Variants in CCDC88B observed in about 807,000 individuals in gnomAD.
The protein encoded by CCDC88B is coiled-coil domain-containing protein 88B.
CCDC88B carries 138 observed loss-of-function variants against 183.7 expected under a neutral mutation model. The ratio of observed to expected loss-of-function variants is 0.75; its 90% CI spans 0.65 to 0.87. The LOEUF is 0.87. Among genes scored for constraint, CCDC88B ranks in the 40% least tolerant of loss-of-function variants. CCDC88B has a pLI of 0.00. For missense variants in CCDC88B, 1,822 were observed against 1,965.6 expected (o/e 0.93, Z 1.38); for synonymous variants, 835 against 867.5 (o/e 0.96, Z 0.66).
chr11:64,352,564 C>T (rs989890415), intron 19 of CCDC88B, among the ~76,000 whole-genome samples, 178 bp downstream of exon 19: 1 of 152,240 alleles, frequency 6.6e-6, no homozygotes, highest in Non-Finnish European at 1.5e-5. Flanking sequence ...TTGGGCTCCC[C>T]GTGGGGCTCA....
Position 64,344,882 on chromosome 11 carries a change from C to A in CCDC88B, c.2341C>A (p.Arg781=). ...QARRAEAEAH[R]EAEAQAWEQA... ...GCGAAGGGCAGAGGCCGAGGCCCAC[C>A]GGGAGGCAGAGGCCCAGGCCTGGGA... The change falls in exon 14 of 27, where the codon CGG becomes AGG. Residue 781 remains arginine, a synonymous_variant. Coordinates refer to ENST00000356786, the MANE Select transcript of CCDC88B (RefSeq NM_032251.6). This position sits in a 1 kb window ranked among gnomAD's most constrained non-coding sequence, Gnocchi z 4.5. The A allele has an allele frequency of 6.3e-7, 1 of 1,598,714 alleles. No individual in the cohort carries two copies. Among genetic ancestry groups the A allele is most frequent in the Non-Finnish European group, 8.5e-7 (1 of 1,172,650 alleles).
chr11:64,349,776 TAG>T, intron 16 of CCDC88B, 108 bp downstream of exon 16: 1 of 1,094,502 alleles, frequency 9.1e-7, no homozygotes, highest in East Asian at 2.6e-5. Flanking sequence ...GATTCTTGGC[TAG>T]CTACTTGCCT....
In CCDC88B at chr11:64,349,617, G is replaced by A. The variant is rs746048441; in HGVS notation, c.2811G>A (p.Ala937=). The A allele has an allele frequency of 7.5e-6, 12 of 1,600,630 alleles. No individual in the cohort carries two copies. Among genetic ancestry groups the A allele is most frequent in the African/African-American group, 1.3e-5 (1 of 74,824 alleles). The change falls in exon 16 of 27, where the codon GCG becomes GCA. Residue 937 remains alanine (A), a synonymous_variant. Coordinates refer to ENST00000356786, the MANE Select transcript of CCDC88B (RefSeq NM_032251.6). ...LQAAATSKEE[A]LMELKTRALQ... ...CGGCGGCGACCAGCAAGGAGGAGGC[G>A]CTGATGGAGCTCAAGACCAGGGCCC...
rs552191501 is a variant in CCDC88B at position 64,342,369 on chromosome 11, C to T, written c.897C>T (p.Arg299=). The T allele has an allele frequency of 1.3e-6, 2 of 1,581,378 alleles. No individual in the cohort carries two copies. The highest frequency in any genetic ancestry group is 1.3e-5 in the African/African-American group (1 of 74,492). Residue 299 remains arginine, a synonymous_variant, in exon 9 of 27, where the codon CGC becomes CGT. Coordinates refer to ENST00000356786, the MANE Select transcript of CCDC88B (RefSeq NM_032251.6). The part of the protein sequence containing the change: ...QGLEAEIRRL[R]QEAQALSGQA... Reference sequence around the variant, plus strand: ...TGGAGGCCGAAATAAGAAGGCTCCGCCAGGAGGTGCGCTCACATGCTCCCC... The same window carrying T: ...TGGAGGCCGAAATAAGAAGGCTCCGTCAGGAGGTGCGCTCACATGCTCCCC...
chr11:64,341,962 G>A (rs375252275), intron 7 of CCDC88B, 32 bp from the exon 8 acceptor site: 203 of 1,611,888 alleles, frequency 1.3e-4, no homozygotes, highest in Non-Finnish European at 1.7e-4. Flanking sequence ...CATTGGATAA[G>A]TTAGTCCTGA....
At chr11:64,342,939 G>A (rs2035941918) in intron 10 of CCDC88B, 4 of 494,280 alleles carry the variant, frequency 8.1e-6, no homozygotes, top group Non-Finnish European at 1.1e-5. Flanking sequence ...GAGGGGCGGG[G>A]CATGGACAGA....
At chr11:64,355,166 ACCCCCT>A in intron 24 of CCDC88B, 22 bp from the exon 25 acceptor site, 1 of 1,304,566 alleles carries the variant, frequency 7.7e-7, no homozygotes, top group Non-Finnish European at 9.7e-7. Context: ...CCCTCCTCTC[ACCCCCT>A]CCCTGCATGT....
chr11:64,353,002 C>A, intron 20 of CCDC88B, 52 bp from the exon 21 acceptor site: 1 of 1,525,326 alleles, frequency 6.6e-7, no homozygotes, highest in East Asian at 2.4e-5. Flanking sequence ...CTGGCCAGCA[C>A]TCGGACTGGG....
rs752706848 is a variant in CCDC88B, at chr11:64,353,104, G to C, written c.3551G>C (p.Gly1184Ala). Reference protein sequence around the residue: ...ELSRERGELQGERGELRGRLA... With the variant: ...ELSRERGELQAERGELRGRLA... Reference sequence around the variant, plus strand: ...TCTCGGGAGCGGGGTGAGCTGCAGGGTGAACGCGGGGAGCTACGGGGCCGG... The same window carrying C: ...TCTCGGGAGCGGGGTGAGCTGCAGGCTGAACGCGGGGAGCTACGGGGCCGG... Residue 1184 changes from glycine to alanine, a missense_variant, in exon 21 of 27, where the codon GGT (glycine) becomes GCT (alanine). Physicochemically the swap from Gly to Ala is moderately conservative, Grantham distance 60 (BLOSUM62 0). Transcript: ENST00000356786. 6.2e-7 allele frequency: 1 copy of C among 1,607,222 alleles called. No individual in the cohort carries two copies. The highest frequency in any genetic ancestry group is 8.5e-7 in the Non-Finnish European group (1 of 1,177,754).
intron 18 of CCDC88B, 128 bp from the exon 19 acceptor site, chr11:64,352,002 C>T: frequency 3.0e-6 from 4 of 1,322,312 alleles, no homozygotes; most frequent in Non-Finnish European, 4.1e-6. Context: ...GTGCCCCCAG[C>T]CCTTTGCCTC....
At position 64,353,057 on chromosome 11, in the gene CCDC88B, T is replaced by C; in HGVS notation, c.3504T>C (p.Ala1168=). 1 of 1,598,474 alleles carries C rather than the reference T, an allele frequency of 6.3e-7. No homozygotes were observed. The highest frequency in any genetic ancestry group is 8.5e-7 in the Non-Finnish European group (1 of 1,173,114). The change falls in exon 21 of 27, where the codon GCT becomes GCC. Residue 1168 remains alanine, a synonymous_variant. Transcript: ENST00000356786. Reference sequence around the variant, plus strand: ...GCAGCTCTCCTTGCCTCCCAAGGGCTCAGATGCTGCTGGCAGAGTTGTCTC... The same window carrying C: ...GCAGCTCTCCTTGCCTCCCAAGGGCCCAGATGCTGCTGGCAGAGTTGTCTC... ...LRRLQSEHDR[A]QMLLAELSRE... is the part of the protein sequence containing the mutation.
At chr11:64,351,121 C>T (rs183948223) in intron 16 of CCDC88B, 39 bp from the exon 17 acceptor site, 47 of 1,413,690 alleles carry the variant, frequency 3.3e-5, no homozygotes, top group Non-Finnish European at 4.0e-5. Flanking sequence ...CAAGGCACTG[C>T]GGCTGTCCCG....
At position 64,343,216 on chromosome 11, in the gene CCDC88B, A is replaced by G. The variant is rs2035957886; in HGVS notation, c.1100A>G (p.Lys367Arg). The G allele has an allele frequency of 4.5e-6, 7 of 1,544,828 alleles. No individual in the cohort carries two copies. Among genetic ancestry groups the G allele is most frequent in the South Asian group, 2.4e-5 (2 of 83,986 alleles). The change falls in exon 11 of 27, where the codon AAG (lysine) becomes AGG (arginine). Residue 367 changes from lysine (K) to arginine (R), a missense_variant. Lys to Arg is a conservative substitution (Grantham distance 26). Coordinates refer to ENST00000356786, the MANE Select transcript of CCDC88B (RefSeq NM_032251.6). The stretch of plus-strand genomic sequence containing the variant: ...CTCTCGGGGGTGCTGGAGGCGTCCA[A>G]GGCGCTGCTGGAAGAGCAGCTGGAG... ...RVLSGVLEASKALLEEQLEAA... is the reference protein window; with the variant it reads ...RVLSGVLEASRALLEEQLEAA...
chr11:64,355,454 C>T (rs1477067332), intron 25 of CCDC88B, 54 bp downstream of exon 25: 7 of 1,582,394 alleles, frequency 4.4e-6, no homozygotes, highest in Non-Finnish European at 5.2e-6. Context: ...TGTGGACCCA[C>T]CAGCTCCTTG....
In CCDC88B at chr11:64,341,654, A is replaced by C. The variant is rs1417006556; in HGVS notation, c.587A>C (p.Glu196Ala). ...VLALSGPDPG[E>A]LAPAELEMLS... Reference sequence around the variant, plus strand: ...GCACTGTCTGGGCCAGATCCTGGGGAGCTGGCACCTGCCGAGCTGGAGATG... The same window carrying C: ...GCACTGTCTGGGCCAGATCCTGGGGCGCTGGCACCTGCCGAGCTGGAGATG... Residue 196 changes from glutamate (E) to alanine (A), a missense_variant, in exon 7 of 27, where the codon GAG (glutamate) becomes GCG (alanine). By Grantham distance (107) the Glu-to-Ala change is moderately radical. Transcript: ENST00000356786. The C allele has an allele frequency of 6.2e-7, 1 of 1,607,136 alleles. No individual in the cohort carries two copies.
chr11:64,348,885 T>G, intron 14 of CCDC88B: 1 of 618,618 alleles, frequency 1.6e-6, no homozygotes, highest in Non-Finnish European at 3.1e-6. Flanking sequence ...AGCTCCTGAC[T>G]TCCTGTCCCT....
intron 10 of CCDC88B, 192 bp downstream of exon 10, chr11:64,342,872 GGAGT>G: frequency 1.8e-6 from 1 of 565,120 alleles, no homozygotes; most frequent in Non-Finnish European, 2.9e-6. Context: ...CAGGTGTAGG[GGAGT>G]GGGGGGGCTG....
rs375998399 is a variant in CCDC88B at position 64,349,509 on chromosome 11, C to T, written c.2745-42C>T. Reference sequence around the variant, plus strand: ...TGAGGGAGGCAGGGGTGTGGTGGGGCGAGGGTGGGGTGGGGCTGGGTGCTA... The same window carrying T: ...TGAGGGAGGCAGGGGTGTGGTGGGGTGAGGGTGGGGTGGGGCTGGGTGCTA... On this transcript the variant is annotated intron_variant, in intron 15 of 26. Transcript: ENST00000356786. The T allele has an allele frequency of 4.3e-4, 165 of 385,324 alleles. 2 individuals are homozygous for T. Among genetic ancestry groups the T allele is most frequent in the African/African-American group, 3.2e-3 (85 of 26,312 alleles). 23.9% of individuals were successfully genotyped at this position (385,324 alleles called of 1,614,324 possible).
In CCDC88B at chr11:64,354,161, G is replaced by T; in HGVS notation, c.4090G>T (p.Asp1364Tyr). The part of the protein sequence containing the change: ...ETELPEGREA[D>Y]GTGSPSPAPM... ...GGAGCTTCCTGAGGGCAGGGAGGCA[G>T]ATGGGACAGGTGGGTCTGGGGGTCA... Residue 1364 changes from aspartate to tyrosine, a missense_variant, in exon 24 of 27, where the codon GAT becomes TAT. Asp to Tyr is a radical substitution (Grantham distance 160). Transcript: ENST00000356786. The T allele has an allele frequency of 1.5e-6, 2 of 1,367,978 alleles. No individual in the cohort carries two copies. The highest frequency in any genetic ancestry group is 1.9e-6 in the Non-Finnish European group (2 of 1,054,062). 84.7% of individuals were successfully genotyped at this position (1,367,978 alleles called of 1,614,324 possible). A position where few individuals can be genotyped will look rare whatever the true frequency, so the allele number is the denominator to read the frequency against.
Sources: allele counts gnomAD v4.1 joint callset (sites outside exome capture counted in the v4.1 genomes callset), GRCh38; gene constraint gnomAD v4.1.1; non-coding constraint Gnocchi (gnomAD v3.1); transcripts MANE v1.5; gene names NCBI Gene and HGNC (gene_info 2026-07-23, HGNC 2026-07-21).